The following C10orf67 variants were observed in gnomAD, a reference collection of about 807,000 sequenced individuals.
The protein encoded by C10orf67 is uncharacterized protein C10orf67, mitochondrial.
A neutral mutation model predicts 35.6 loss-of-function variants in C10orf67; 60 were observed. The ratio of observed to expected loss-of-function variants is 1.68; its 90% confidence interval spans 1.37 to 2.09. The LOEUF is 2.09. Ranked by LOEUF, C10orf67 falls within the 30% of genes most tolerant of loss-of-function variation. The pLI, the probability that C10orf67 is intolerant of heterozygous loss-of-function variation, is 0.00. For synonymous variants in C10orf67, 167 were observed against 115.8 expected (o/e 1.44, Z -2.84); for missense variants, 474 against 330.2 (o/e 1.44, Z -3.38).
chr10:23,239,511 G>A (rs531451947), intron 13 of C10orf67, among the ~76,000 whole-genome samples: 8 of 152,278 alleles, frequency 5.3e-5, no homozygotes, highest in South Asian at 4.1e-4. Flanking sequence ...ACCATATTGC[G>A]CTGTAGCAAT....
intron 8 of C10orf67, 119 bp downstream of exon 8, chr10:23,281,894 T>C: frequency 2.4e-6 from 1 of 417,676 alleles, no homozygotes; most frequent in South Asian, 6.8e-5. Context: ...CTTAGATTTT[T>C]GATAAAGATG....
rs186534778 is a variant in C10orf67, at chr10:23,237,318, C to T, written c.1434+2411G>A. Among the ~76,000 whole-genome samples, 7 of 152,222 alleles carry T rather than the reference C, an allele frequency of 4.6e-5. No individual in the cohort carries two copies. In the East Asian group the frequency reaches 1.4e-3, roughly 29 times the overall value. The stretch of plus-strand genomic sequence containing the variant: ...CATTTAGGTTGATTCCATGTCTTTG[C>T]TATTGTGAATGGTGCAGCAACGAAC... On this transcript the variant is annotated intron_variant, in intron 13 of 15. Transcript: ENST00000636213.
At chr10:23,289,318 C>T (rs942182976) in intron 7 of C10orf67, among the ~76,000 whole-genome samples, 5 of 152,098 alleles carry the variant, frequency 3.3e-5, no homozygotes, top group Non-Finnish European at 4.4e-5. Context: ...TATGTGCCAC[C>T]ACACTCGGCT....
intron 8 of C10orf67, among the ~76,000 whole-genome samples, chr10:23,270,090 A>G (rs61847284): frequency 2.0e-5 from 3 of 152,200 alleles, no homozygotes; most frequent in Non-Finnish European, 4.4e-5. Context: ...GGAGGGGCCA[A>G]GAGCCAATTA....
At chr10:23,327,080 G>T (rs1845231148) in intron 2 of C10orf67, among the ~76,000 whole-genome samples, 1 of 152,012 alleles carries the variant, frequency 6.6e-6, no homozygotes, top group Non-Finnish European at 1.5e-5. Flanking sequence ...ACTGTTGAAT[G>T]TTCAAATTTG....
At chr10:23,325,571 T>C (rs376949571) in intron 2 of C10orf67, among the ~76,000 whole-genome samples, 2 of 99,878 alleles carry the variant, frequency 2.0e-5, no homozygotes, top group Non-Finnish European at 4.4e-5. Context: ...ACAAAACCAA[T>C]AACAACAACA....
At chr10:23,219,347 T>A (rs1046912437) in intron 15 of C10orf67, among the ~76,000 whole-genome samples, 2 of 152,194 alleles carry the variant, frequency 1.3e-5, no homozygotes, top group African/African-American at 2.4e-5. Context: ...AAGATTCGTG[T>A]CTTTTGGGCT....
At chr10:23,231,241 T>C (rs1183287221) in intron 13 of C10orf67, among the ~76,000 whole-genome samples, 1 of 152,168 alleles carries the variant, frequency 6.6e-6, no homozygotes, top group Non-Finnish European at 1.5e-5. Context: ...TGTCTTGCAA[T>C]TGGATGCAGT....
chr10:23,290,494 C>T (rs1045409749), intron 6 of C10orf67, among the ~76,000 whole-genome samples: 5 of 152,152 alleles, frequency 3.3e-5, no homozygotes, highest in East Asian at 3.8e-4. Flanking sequence ...CATAATCACT[C>T]GGATCACAGT....
At chr10:23,259,624 A>G (rs938566714) in intron 10 of C10orf67, among the ~76,000 whole-genome samples, 5 of 152,222 alleles carry the variant, frequency 3.3e-5, no homozygotes, top group African/African-American at 1.2e-4. Context: ...CTTTGAAAGA[A>G]CTATAATCAA....
intron 8 of C10orf67, 101 bp downstream of exon 8, chr10:23,281,912 T>G (rs947990817): frequency 2.3e-6 from 1 of 439,308 alleles, no homozygotes; most frequent in Non-Finnish European, 4.2e-6. Context: ...ATGAAATGAG[T>G]CATTCACAGG....
chr10:23,234,778 G>T (rs1273806470), intron 13 of C10orf67, among the ~76,000 whole-genome samples: 2 of 151,662 alleles, frequency 1.3e-5, no homozygotes, highest in Non-Finnish European at 2.9e-5. Flanking sequence ...ACTTTGGGGG[G>T]CTGAGGCAGG....
chr10:23,327,466 G>C (rs1419810451), intron 2 of C10orf67, among the ~76,000 whole-genome samples: 1 of 152,086 alleles, frequency 6.6e-6, no homozygotes, highest in East Asian at 1.9e-4. Flanking sequence ...GAACAAAATG[G>C]ACAATATGGC....
chr10:23,332,757 T>C (rs1163031757), intron 2 of C10orf67, among the ~76,000 whole-genome samples: 1 of 152,150 alleles, frequency 6.6e-6, no homozygotes, highest in East Asian at 1.9e-4. Flanking sequence ...CAGTTATTCA[T>C]TATATATGCA....
chr10:23,271,387 C>T (rs1367037547), intron 8 of C10orf67, among the ~76,000 whole-genome samples: 1 of 152,168 alleles, frequency 6.6e-6, no homozygotes, highest in East Asian at 1.9e-4. Context: ...CATTTGTGAC[C>T]CAAGACTTTG....
chr10:23,333,824 G>C (rs1232904449), intron 1 of C10orf67, among the ~76,000 whole-genome samples: 1 of 152,106 alleles, frequency 6.6e-6, no homozygotes, highest in African/African-American at 2.4e-5. Context: ...AATACAGCTA[G>C]TTTTTCTTTA....
intron 10 of C10orf67, among the ~76,000 whole-genome samples, chr10:23,264,292 G>A (rs890947428): frequency 2.6e-5 from 4 of 152,128 alleles, no homozygotes; most frequent in Non-Finnish European, 4.4e-5. Context: ...TGTAAGTGAC[G>A]GTAATAACAG....
Position 23,228,889 on chromosome 10 carries a change from A to G in C10orf67, c.1435-5071T>C, listed in dbSNP as rs534500654. On this transcript the variant is annotated intron_variant, in intron 13 of 15. Coordinates refer to ENST00000636213, the MANE Select transcript of C10orf67 (RefSeq NM_001371909.1). The stretch of plus-strand genomic sequence containing the variant: ...CAAATCAAAACCACAATGAGATACC[A>G]TCTCACACCAATTAGAATGGTGATC... Among the ~76,000 whole-genome samples the G allele has an allele frequency of 7.9e-5, 12 of 152,304 alleles. No individual in the cohort carries two copies. The East Asian group carries it at 2.3e-3, about 29-fold the overall frequency.
intron 8 of C10orf67, among the ~76,000 whole-genome samples, chr10:23,278,135 T>C (rs61847287): frequency 0.052 from 7,973 of 152,256 alleles, 293 homozygotes; most frequent in Non-Finnish European, 0.082. Flanking sequence ...CACTCCAACA[T>C]TGGAGCTTAC....
Sources: allele counts gnomAD v4.1 joint callset (sites outside exome capture counted in the v4.1 genomes callset), GRCh38; gene constraint gnomAD v4.1.1; transcripts MANE v1.5; gene names NCBI Gene and HGNC (gene_info 2026-07-23, HGNC 2026-07-21).